The following ABCA7 variants were observed in gnomAD, a reference collection of about 807,000 sequenced individuals.
ABCA7 encodes phospholipid-transporting ATPase ABCA7.
A neutral mutation model predicts 227.6 loss-of-function variants in ABCA7; 261 were observed. The observed-to-expected ratio is 1.15, with a 90% confidence interval of 1.04 to 1.27. ABCA7 has a LOEUF of 1.27. Ranked by LOEUF, ABCA7 falls within the 50% of genes most tolerant of loss-of-function variation. ABCA7 has a pLI of 0.00. For missense variants in ABCA7, 3,331 were observed against 2,924.5 expected, an observed-to-expected ratio of 1.14 and a Z score of -3.21; for synonymous variants, 1,488 against 1,279.7, an observed-to-expected ratio of 1.16 and a Z score of -3.47.
rs768632673 is a variant in ABCA7 at position 1,058,881 on chromosome 19, G to T, written c.5341G>T (p.Glu1781Ter). ...GGACGAGGATGTAGCCCGTGAACGG[G>T]AGCGGGTGGTCCAAGGAGCCACCCA... ...EEDEDVARER[E>*]RVVQGATQGD... Residue 1781 changes from glutamate to a stop codon, truncating the protein, a stop_gained, in exon 39 of 47, where the codon GAG becomes TAG. Coordinates refer to ENST00000263094, the MANE Select transcript of ABCA7 (RefSeq NM_019112.4). LOFTEE classifies it high-confidence loss of function. The T allele has an allele frequency of 3.2e-6, 5 of 1,581,978 alleles. No homozygotes were observed. In the South Asian group the frequency reaches 5.8e-5, roughly 18 times the overall value.
chr19:1,049,465 G>A (rs1273887772), intron 18 of ABCA7, 28 bp downstream of exon 18: 1 of 1,368,330 alleles, frequency 7.3e-7, no homozygotes, highest in Non-Finnish European at 9.5e-7. Context: ...CCCTCCCCGT[G>A]AGCCCCCCCA....
intron 40 of ABCA7, 45 bp downstream of exon 40, chr19:1,059,130 G>A: frequency 1.3e-6 from 2 of 1,590,790 alleles, no homozygotes; most frequent in South Asian, 1.1e-5. Flanking sequence ...GTGAGTGGCT[G>A]CCCTACTGCA....
Position 1,043,772 on chromosome 19 carries a change from G to A in ABCA7, c.978G>A (p.Glu326=), listed in dbSNP as rs772909200. ...TCACCCTGCTGAGGGATGTCCGGGA[G>A]GTGTGGGAGATGCTGGGACCCCGGA... ...EELTLLRDVR[E]VWEMLGPRIF... is the part of the protein sequence containing the mutation. Residue 326 remains glutamate, a synonymous_variant, in exon 10 of 47, where the codon GAG becomes GAA. Coordinates refer to ENST00000263094, the MANE Select transcript of ABCA7 (RefSeq NM_019112.4). 3 of 1,612,630 alleles carry A rather than the reference G, an allele frequency of 1.9e-6. No homozygotes were observed. In the East Asian group the frequency reaches 6.7e-5, roughly 36 times the overall value.
Position 1,045,041 on chromosome 19 carries a change from G to T in ABCA7, c.1255G>T (p.Ala419Ser). Residue 419 changes from alanine to serine, a missense_variant, in exon 12 of 47, where the codon GCA (alanine) becomes TCA (serine). By Grantham distance (99) the Ala-to-Ser change is moderately conservative. Coordinates refer to ENST00000263094, the MANE Select transcript of ABCA7 (RefSeq NM_019112.4). Reference protein sequence around the residue: ...LDKLEAAPSEAALVSRALQLL... With the variant: ...LDKLEAAPSESALVSRALQLL... ...CAAGCTGGAGGCGGCACCCTCAGAG[G>T]CAGCCCTGGTGTCGCGGGCCCTGCA... 6.2e-7 allele frequency: 1 copy of T among 1,612,800 alleles called. No individual in the cohort carries two copies. Among genetic ancestry groups the T allele is most frequent in the South Asian group, 1.1e-5 (1 of 91,078 alleles).
At chr19:1,059,302 T>C in intron 40 of ABCA7, 1 of 189,244 alleles carries the variant, frequency 5.3e-6, no homozygotes, top group Non-Finnish European at 9.7e-6. Flanking sequence ...TCTCACTCTG[T>C]CTCCCAGGCT....
In ABCA7 at chr19:1,065,182, C is replaced by T; in HGVS notation, c.6285+11C>T. 1.3e-6 allele frequency: 2 copies of T among 1,593,588 alleles called. No homozygotes were observed. The highest frequency in any genetic ancestry group is 1.7e-6 in the Non-Finnish European group (2 of 1,167,944). ...ACGATGCTGGAGGAGGTGATCACGG[C>T]GCCGGGGTCGGGCTGGGGGAGGCAG... is the stretch of plus-strand genomic sequence containing the variant. On this transcript the variant is annotated intron_variant, in intron 46 of 46. Coordinates refer to ENST00000263094, the MANE Select transcript of ABCA7 (RefSeq NM_019112.4).
At position 1,054,853 on chromosome 19, in the gene ABCA7, C is replaced by A. The variant is rs780118868; in HGVS notation, c.3925C>A (p.Pro1309Thr). 3.2e-6 allele frequency: 5 copies of A among 1,562,826 alleles called. No homozygotes were observed. Among genetic ancestry groups the A allele is most frequent in the Non-Finnish European group, 4.3e-6 (5 of 1,154,580 alleles). Residue 1309 changes from proline to threonine, a missense_variant, in exon 29 of 47, where the codon CCC (proline) becomes ACC (threonine). Transcript: ENST00000263094. This position sits in a 1 kb window ranked among gnomAD's most constrained non-coding sequence, Gnocchi z 4.8. ...ALLQEAGLEE[P>T]PVQHSSHRFS... ...GCTGCAGGAGGCAGGACTGGAGGAGCCCCCAGTGCAGCATAGCTCCCACAG... is the reference window on the plus strand; with the variant it reads ...GCTGCAGGAGGCAGGACTGGAGGAGACCCCAGTGCAGCATAGCTCCCACAG...
Position 1,054,897 on chromosome 19 carries a change from C to T in ABCA7, c.3950+19C>T. ...CCCACAGGTGAGGCGTCTTGTTGGC[C>T]TGGACCTTTCCCCTCTCTGGCCTCA... On this transcript the variant is annotated intron_variant, in intron 29 of 46. Coordinates refer to ENST00000263094, the MANE Select transcript of ABCA7 (RefSeq NM_019112.4). The surrounding 1 kb of genome is among the most constrained non-coding windows in gnomAD (Gnocchi z 4.8). 1 of 1,550,556 alleles carries T rather than the reference C, an allele frequency of 6.4e-7. No individual in the cohort carries two copies. Among genetic ancestry groups the T allele is most frequent in the Non-Finnish European group, 8.7e-7 (1 of 1,145,020 alleles).
At chr19:1,063,945 G>C in intron 44 of ABCA7, 82 bp downstream of exon 44, 1 of 1,447,264 alleles carries the variant, frequency 6.9e-7, no homozygotes, top group Non-Finnish European at 9.1e-7. Context: ...AGGCCACAGG[G>C]GATGGGGGGT....
intron 40 of ABCA7, 129 bp from the exon 41 acceptor site, chr19:1,061,653 C>G (rs577590260): frequency 3.7e-6 from 3 of 803,136 alleles, no homozygotes; most frequent in African/African-American, 3.7e-5. Flanking sequence ...GAGCCAAGAT[C>G]GCACCACTGC....
Position 1,054,841 on chromosome 19 carries a change from G to A in ABCA7, c.3913G>A (p.Gly1305Arg), listed in dbSNP as rs2042106424. The A allele has an allele frequency of 6.4e-7, 1 of 1,566,698 alleles. No homozygotes were observed. Among genetic ancestry groups the A allele is most frequent in the African/African-American group, 1.4e-5 (1 of 73,550 alleles). ...GCTCGAGGCGCTGCTGCAGGAGGCA[G>A]GACTGGAGGAGCCCCCAGTGCAGCA... ...RLLEALLQEA[G>R]LEEPPVQHSS... The change falls in exon 29 of 47, where the codon GGA becomes AGA. Residue 1305 changes from glycine (G) to arginine (R), a missense_variant. Gly to Arg is a moderately radical substitution (Grantham distance 125). Coordinates refer to ENST00000263094, the MANE Select transcript of ABCA7 (RefSeq NM_019112.4). This position sits in a 1 kb window ranked among gnomAD's most constrained non-coding sequence, Gnocchi z 4.8.
At chr19:1,048,351 G>A (rs961826255) in intron 16 of ABCA7, among the ~76,000 whole-genome samples, 2 of 151,426 alleles carry the variant, frequency 1.3e-5, no homozygotes, top group Admixed American at 6.6e-5. Context: ...TACAAAATTA[G>A]CTGGGTGTGG....
Position 1,042,105 on chromosome 19 carries a change from G to A in ABCA7, c.344G>A (p.Gly115Glu), listed in dbSNP as rs777420995. 1 of 1,598,756 alleles carries A rather than the reference G, an allele frequency of 6.3e-7. No individual in the cohort carries two copies. Among genetic ancestry groups the A allele is most frequent in the Non-Finnish European group, 8.5e-7 (1 of 1,178,930 alleles). The change falls in exon 5 of 47, where the codon GGG (glycine) becomes GAG (glutamate). Residue 115 changes from glycine to glutamate, a missense_variant. Coordinates refer to ENST00000263094, the MANE Select transcript of ABCA7 (RefSeq NM_019112.4). The part of the protein sequence containing the change: ...LLADARTVLG[G>E]ASAHRTLAGL... ...GCCGATGCCCGCACTGTGCTGGGAG[G>A]GGCCAGTGCCCACAGGACGCTGGCT...
Position 1,046,388 on chromosome 19 carries a change from CG to C in ABCA7, c.1605del (p.Cys536AlafsTer11), listed in dbSNP as rs1568266388. 4 of 1,568,436 alleles carry C rather than the reference CG, an allele frequency of 2.6e-6. No individual in the cohort carries two copies. The South Asian group carries it at 4.6e-5, about 18-fold the overall frequency. The part of the protein sequence containing the change: ...AGLYLQQMPY[P>X]CYVDDVFLRV... Reference sequence around the variant, plus strand: ...CTCTACCTGCAGCAGATGCCCTATCCGTGCTATGTGGACGACGTGTGAGCTC... The same window carrying C: ...CTCTACCTGCAGCAGATGCCCTATCCTGCTATGTGGACGACGTGTGAGCTC... On this transcript the variant is annotated frameshift_variant, in exon 13 of 47. Coordinates refer to ENST00000263094, the MANE Select transcript of ABCA7 (RefSeq NM_019112.4). LOFTEE classifies it high-confidence loss of function.
rs1269567609 is a variant in ABCA7 at position 1,053,415 on chromosome 19, C to T, written c.3307C>T (p.Leu1103=). ...EELPHELVLV[L]PYTGAHDGSF... Reference sequence around the variant, plus strand: ...GCTGCCACACGAGCTGGTGCTGGTGCTGCCCTACACGGGTGCCCATGACGG... The same window carrying T: ...GCTGCCACACGAGCTGGTGCTGGTGTTGCCCTACACGGGTGCCCATGACGG... The change falls in exon 24 of 47, where the codon CTG becomes TTG. Residue 1103 remains leucine, a synonymous_variant. Transcript: ENST00000263094. 6.2e-7 allele frequency: 1 copy of T among 1,607,626 alleles called. No homozygotes were observed. Among genetic ancestry groups the T allele is most frequent in the Non-Finnish European group, 8.5e-7 (1 of 1,178,560 alleles).
rs142700284 is a variant in ABCA7 at position 1,046,258 on chromosome 19, C to A, written c.1474C>A (p.Pro492Thr). The A allele has an allele frequency of 8.2e-5, 131 of 1,607,276 alleles. No individual in the cohort carries two copies. In the African/African-American group the frequency reaches 1.6e-3, roughly 20 times the overall value. Residue 492 changes from proline (P) to threonine (T), a missense_variant, in exon 13 of 47, where the codon CCC becomes ACC. Coordinates refer to ENST00000263094, the MANE Select transcript of ABCA7 (RefSeq NM_019112.4). ...TTGGGACCCTGGCCCAGCCGCGGAC[C>A]CCCTGACCGACCTGCGCTACGTGTG... The part of the protein sequence containing the change: ...RFWDPGPAAD[P>T]LTDLRYVWGG...
Position 1,051,151 on chromosome 19 carries a change from G to T in ABCA7, c.2685-4G>T, listed in dbSNP as rs201967707. The T allele has an allele frequency of 4.4e-4, 705 of 1,611,164 alleles. 2 individuals carry two copies. In the African/African-American group the frequency reaches 8.6e-3, roughly 20 times the overall value. On this transcript the variant is annotated splice_polypyrimidine_tract_variant and splice_region_variant and intron_variant, in intron 19 of 46. Coordinates refer to ENST00000263094, the MANE Select transcript of ABCA7 (RefSeq NM_019112.4). ...GGTCACTCTGCTCTGTGCACTGGCC[G>T]CAGGCTGACCGTGGACGAGCACGTC...
At chr19:1,042,035 C>G in intron 4 of ABCA7, 29 bp from the exon 5 acceptor site, 1 of 1,583,970 alleles carries the variant, frequency 6.3e-7, no homozygotes, top group Non-Finnish European at 8.5e-7. Context: ...CGGCCGGAAC[C>G]CCGCCTCCTG....
intron 42 of ABCA7, among the ~76,000 whole-genome samples, chr19:1,062,635 T>TA (rs2042736247): frequency 6.6e-6 from 1 of 151,896 alleles, no homozygotes; most frequent in Non-Finnish European, 1.5e-5. Flanking sequence ...GCCTACCCCC[T>TA]AGGGCTTCGC....
Sources: gnomAD v4.1 joint callset for allele counts (sites outside exome capture counted in the v4.1 genomes callset) on GRCh38, gnomAD v4.1.1 for gene constraint, Gnocchi (gnomAD v3.1) non-coding constraint, MANE v1.5 for transcripts, NCBI Gene and HGNC (gene_info 2026-07-23, HGNC 2026-07-21) for gene names.